Variants in ZNF385C observed in about 807,000 individuals in gnomAD.
The protein encoded by ZNF385C is zinc finger protein 385C.
A neutral mutation model predicts 35.4 loss-of-function variants in ZNF385C; 28 were observed. The ratio of observed to expected loss-of-function variants is 0.79; its 90% CI spans 0.59 to 1.08. The LOEUF is 1.08. Among genes scored for constraint, ZNF385C ranks in the 50% least tolerant of loss-of-function variants. The probability of loss-of-function intolerance (pLI) is 0.00; values close to 1 mark genes in which losing one functional copy is unlikely to be tolerated. For missense variants in ZNF385C, 605 were observed against 595.6 expected (o/e 1.02, Z -0.16); for synonymous variants, 248 against 248.2 (o/e 1.00, Z 0.01).
intron 2 of ZNF385C, among the ~76,000 whole-genome samples, chr17:42,041,915 C>G (rs1322861756): frequency 1.3e-5 from 2 of 152,180 alleles, no homozygotes; most frequent in African/African-American, 4.8e-5. Context: ...CTCTCCAACT[C>G]CAGCACATCC....
chr17:42,053,420 G>A (rs1427892779), intron 2 of ZNF385C, among the ~76,000 whole-genome samples: 2 of 152,076 alleles, frequency 1.3e-5, no homozygotes, highest in African/African-American at 4.8e-5. Context: ...CCCTCTGTCT[G>A]CTTCCCTCTC....
chr17:42,093,239 G>A (rs2053881430), intron 1 of ZNF385C, among the ~76,000 whole-genome samples: 1 of 152,098 alleles, frequency 6.6e-6, no homozygotes, highest in Admixed American at 6.5e-5. Context: ...GCAGGAAGCT[G>A]GGGCCCGGGG....
chr17:42,048,996 T>C (rs528796121), intron 2 of ZNF385C, among the ~76,000 whole-genome samples: 64 of 151,204 alleles, frequency 4.2e-4, no homozygotes, highest in African/African-American at 1.4e-3. Context: ...CACCCACTCC[T>C]CTAAGGCCAG....
rs1555654499 is a variant in ZNF385C, at chr17:42,028,063, G to A, written c.1151C>T (p.Thr384Ile). The change falls in exon 7 of 9, where the codon ACC becomes ATC. Residue 384 changes from threonine to isoleucine, a missense_variant. By Grantham distance (89) the Thr-to-Ile change is moderately conservative. Transcript: ENST00000692273. ...ALCQLQVNSE[T>I]QLKQHMSSRR... ...CACTTCTCCCACCTGCTTCAGTTGG[G>A]TCTCTGAATTGACCTGGAGCTGACA... 3 of 1,613,978 alleles carry A rather than the reference G, an allele frequency of 1.9e-6. No individual in the cohort carries two copies. The Admixed American group carries it at 5.0e-5, about 27-fold the overall frequency.
At chr17:42,070,521 C>T (rs2053609299) in intron 1 of ZNF385C, among the ~76,000 whole-genome samples, 1 of 152,128 alleles carries the variant, frequency 6.6e-6, no homozygotes, top group Admixed American at 6.5e-5. Context: ...CACCTGGTGG[C>T]AAGCGCCTGT....
intron 4 of ZNF385C, among the ~76,000 whole-genome samples, chr17:42,033,353 C>T (rs1555655144): frequency 2.0e-5 from 3 of 152,226 alleles, no homozygotes; most frequent in Non-Finnish European, 4.4e-5. Flanking sequence ...TCAGCCAGGC[C>T]TGGATTCATA....
intron 2 of ZNF385C, chr17:42,041,017 C>T (rs534496087): frequency 1.4e-4 from 171 of 1,232,250 alleles, no homozygotes; most frequent in Non-Finnish European, 1.7e-4. Flanking sequence ...TAGCTCCACA[C>T]TGCCCAGGAA....
rs782321321 is a variant in ZNF385C, at chr17:42,028,812, G to A, written c.938C>T (p.Ser313Leu). 14 of 1,550,216 alleles carry A rather than the reference G, an allele frequency of 9.0e-6. No individual in the cohort carries two copies. The South Asian group carries it at 1.3e-4, about 14-fold the overall frequency. The change falls in exon 6 of 9, where the codon TCG becomes TTG. Residue 313 changes from serine to leucine, a missense_variant. By Grantham distance (145) the Ser-to-Leu change is moderately radical. Coordinates refer to ENST00000692273, the MANE Select transcript of ZNF385C (RefSeq NM_001392013.1). ...YCPTCKVTVN[S>L]ASQLQAHNTG... is the part of the protein sequence containing the mutation. ...GTTGTGAGCCTGAAGCTGGGAGGCC[G>A]AGTTCACTGTCACCTTACACGTGGG...
At chr17:42,051,379 G>A (rs1388357815) in intron 2 of ZNF385C, among the ~76,000 whole-genome samples, 1 of 152,158 alleles carries the variant, frequency 6.6e-6, no homozygotes, top group East Asian at 1.9e-4. Context: ...GCGTTACTCT[G>A]AGAGGTGAAT....
At chr17:42,091,431 G>A (rs1470092928) in intron 1 of ZNF385C, among the ~76,000 whole-genome samples, 2 of 152,166 alleles carry the variant, frequency 1.3e-5, no homozygotes, top group Admixed American at 6.5e-5. Flanking sequence ...GGGTGGCAGA[G>A]CGAGACTTCA....
At chr17:42,097,440 G>A (rs1334973753) in intron 1 of ZNF385C, among the ~76,000 whole-genome samples, 1 of 151,716 alleles carries the variant, frequency 6.6e-6, no homozygotes, top group East Asian at 1.9e-4. Flanking sequence ...AGACAAGGAA[G>A]CCCCCCTCCC....
At position 42,027,093 on chromosome 17, in the gene ZNF385C, G is replaced by C; in HGVS notation, c.1316C>G (p.Ala439Gly). ...ALQKQLTKTL[A>G]ARFLPSPLPT... ...GAGCGGGCTGGGCAGGAAGCGGGCT[G>C]CCAACGTCTTGGTGAGTTGCTTCTG... is the stretch of plus-strand genomic sequence containing the variant. The change falls in exon 9 of 9, where the codon GCA (alanine) becomes GGA (glycine). Residue 439 changes from alanine to glycine, a missense_variant. Transcript: ENST00000692273. 1 of 1,612,966 alleles carries C rather than the reference G, an allele frequency of 6.2e-7. No homozygotes were observed. The highest frequency in any genetic ancestry group is 8.5e-7 in the Non-Finnish European group (1 of 1,179,546).
intron 1 of ZNF385C, among the ~76,000 whole-genome samples, chr17:42,072,591 C>T (rs956900725): frequency 1.9e-4 from 29 of 152,088 alleles, no homozygotes; most frequent in Middle Eastern, 3.4e-3. Flanking sequence ...AACCCGGCTG[C>T]GTCCAGCCGC....
At chr17:42,035,118 C>CAA (rs1239388932) in intron 3 of ZNF385C, among the ~76,000 whole-genome samples, 3,788 of 80,448 alleles carry the variant, frequency 0.047, 312 homozygotes, top group Middle Eastern at 0.065. Context: ...GACTCTGTCT[C>CAA]AAAAAAAAAA....
At chr17:42,030,447 C>A (rs543658448) in intron 5 of ZNF385C, among the ~76,000 whole-genome samples, 1 of 152,080 alleles carries the variant, frequency 6.6e-6, no homozygotes. Context: ...AAGATTGCAC[C>A]GCTGTGCTCC....
At chr17:42,029,369 TATC>T (rs1279948465) in intron 5 of ZNF385C, among the ~76,000 whole-genome samples, 20 of 152,200 alleles carry the variant, frequency 1.3e-4, no homozygotes, top group Middle Eastern at 6.3e-3. Context: ...CTATTCATAA[TATC>T]ATAAAACTGA....
At chr17:42,087,799 C>A (rs1165546517) in intron 1 of ZNF385C, among the ~76,000 whole-genome samples, 1 of 152,202 alleles carries the variant, frequency 6.6e-6, no homozygotes, top group Non-Finnish European at 1.5e-5. Context: ...CCTTTTGTTG[C>A]ACATACAATA....
chr17:42,045,091 G>A (rs372850851), intron 2 of ZNF385C, among the ~76,000 whole-genome samples: 1 of 152,214 alleles, frequency 6.6e-6, no homozygotes, highest in African/African-American at 2.4e-5. Context: ...CTAATTTTTT[G>A]TATTTTTAGT....
intron 6 of ZNF385C, 38 bp downstream of exon 6, chr17:42,028,745 C>T (rs973403202): frequency 1.3e-6 from 2 of 1,530,412 alleles, no homozygotes; most frequent in South Asian, 2.5e-5. Flanking sequence ...GCTTCTGTCC[C>T]ACCCTTTCCC....
Sources: allele counts gnomAD v4.1 joint callset (sites outside exome capture counted in the v4.1 genomes callset), GRCh38; gene constraint gnomAD v4.1.1; transcripts MANE v1.5; gene names NCBI Gene and HGNC (gene_info 2026-07-23, HGNC 2026-07-21).